The following ELFN2 variants were observed in gnomAD, a reference collection of about 807,000 sequenced individuals.
The protein encoded by ELFN2 is protein phosphatase 1 regulatory subunit 29.
A neutral mutation model predicts 45.5 loss-of-function variants in ELFN2; 17 were observed. That is an observed-to-expected ratio of 0.37 (90% confidence interval 0.26 to 0.56). ELFN2 has a LOEUF of 0.56. Ranked by LOEUF, ELFN2 falls within the 20% of genes least tolerant of loss-of-function variation. The pLI, the probability that ELFN2 is intolerant of heterozygous loss-of-function variation, is 0.77. For missense variants in ELFN2, 922 were observed against 1,183.2 expected (o/e 0.78, Z 3.24); for synonymous variants, 550 against 551.5 (o/e 1.00, Z 0.04).
Position 37,417,354 on chromosome 22 carries a change from C to T in ELFN2, c.-463+415G>A, listed in dbSNP as rs374046131. On this transcript the variant is annotated intron_variant, in intron 2 of 2. Transcript: ENST00000402918. This position sits in a 1 kb window ranked among gnomAD's most constrained non-coding sequence, Gnocchi z 4.5. ...TACAATGGACAGACCCCCACCTGAGCGAGACCCCCACCATGTTGTCCCAGG... is the reference window on the plus strand; with the variant it reads ...TACAATGGACAGACCCCCACCTGAGTGAGACCCCCACCATGTTGTCCCAGG... Among the ~76,000 whole-genome samples, 43 of 152,328 alleles carry T rather than the reference C, an allele frequency of 2.8e-4. No homozygotes were observed. The South Asian group carries it at 8.5e-3, about 30-fold the overall frequency.
chr22:37,393,589 G>A lies in ELFN2; in HGVS notation c.-462-17593C>T, dbSNP rs550144522. Among the ~76,000 whole-genome samples, 105 of 152,338 alleles carry A rather than the reference G, an allele frequency of 6.9e-4. 2 individuals carry two copies. In the South Asian group the frequency reaches 0.017, roughly 25 times the overall value. On this transcript the variant is annotated intron_variant, in intron 2 of 2. Coordinates refer to ENST00000402918, the MANE Select transcript of ELFN2 (RefSeq NM_052906.5). ...CTTCCTGAGCCTGGACCACGCCCCA[G>A]GCCTTGCGCTAAGTCCCATATGGTC...
Position 37,374,447 on chromosome 22 carries a change from G to A in ELFN2, c.1088C>T (p.Ser363Leu), listed in dbSNP as rs1931498000. 6.2e-7 allele frequency: 1 copy of A among 1,613,990 alleles called. No homozygotes were observed. Among genetic ancestry groups the A allele is most frequent in the Non-Finnish European group, 8.5e-7 (1 of 1,179,984 alleles). Residue 363 changes from serine to leucine, a missense_variant, in exon 3 of 3, where the codon TCG becomes TTG. This residue lies in a region of ELFN2 where 358 missense variants were observed against 540.4 expected (regional missense o/e 0.66). Transcript: ENST00000402918. ...GTTGAAGCGGCGGCTGTTGCGCAGC[G>A]AGGTCACGCAGAAGGTGTACTCAGT... ...AHTEYTFCVT[S>L]LRNSRRFNHT...
chr22:37,425,429 G>A (rs776279909), intron 1 of ELFN2, among the ~76,000 whole-genome samples: 1 of 152,136 alleles, frequency 6.6e-6, no homozygotes, highest in Non-Finnish European at 1.5e-5. Flanking sequence ...CACGCCACGC[G>A]TCCTAAGGCT....
chr22:37,348,341 C>A (rs1305777599), intron 1 of ELFN2, among the ~76,000 whole-genome samples: 1 of 152,124 alleles, frequency 6.6e-6, no homozygotes, highest in Non-Finnish European at 1.5e-5. Flanking sequence ...GAAGTCTTAG[C>A]AAGGGGCTTC....
intron 2 of ELFN2, among the ~76,000 whole-genome samples, chr22:37,410,478 C>G (rs946407947): frequency 6.6e-5 from 10 of 152,096 alleles, no homozygotes; most frequent in African/African-American, 2.4e-4. Flanking sequence ...ACTCCGGGGT[C>G]CTGGTTCCCT....
intron 2 of ELFN2, among the ~76,000 whole-genome samples, chr22:37,413,322 T>C (rs1435030274): frequency 6.6e-6 from 1 of 151,482 alleles, no homozygotes; most frequent in African/African-American, 2.4e-5. Flanking sequence ...CAGCTGGCAG[T>C]GAAGTCTCCT....
intron 2 of ELFN2, among the ~76,000 whole-genome samples, chr22:37,383,024 C>G (rs1601751841): frequency 6.6e-6 from 1 of 152,212 alleles, no homozygotes; most frequent in East Asian, 1.9e-4. Flanking sequence ...TATCACTCTG[C>G]TTATCCAAGC....
At chr22:37,418,240 T>C (rs1447863582) in intron 1 of ELFN2, among the ~76,000 whole-genome samples, 2 of 150,072 alleles carry the variant, frequency 1.3e-5, no homozygotes, top group African/African-American at 4.9e-5. Context: ...GGCACTGAGA[T>C]GGAGAGATGG....
chr22:37,373,789 A>T lies in ELFN2; in HGVS notation c.1746T>A (p.Pro582=). The change falls in exon 3 of 3, where the codon CCT becomes CCA. Residue 582 remains proline, a synonymous_variant. Transcript: ENST00000402918. ...TGGCTGAGGAGGCGGCAGCAGCTGC[A>T]GGGAGGGACTGGCACTCGAAGGCCA... ...PELAFECQSL[P]AAAAASSATG... is the part of the protein sequence containing the mutation. The T allele has an allele frequency of 6.2e-7, 1 of 1,606,866 alleles. No homozygotes were observed. The highest frequency in any genetic ancestry group is 8.5e-7 in the Non-Finnish European group (1 of 1,177,804).
chr22:37,416,065 C>A (rs1932756907), intron 2 of ELFN2, among the ~76,000 whole-genome samples: 2 of 152,206 alleles, frequency 1.3e-5, no homozygotes, highest in South Asian at 2.1e-4. Context: ...ATAACAGCCA[C>A]CCTGGGAGGC....
At chr22:37,341,237 A>G (rs916960281) in intron 2 of ELFN2, among the ~76,000 whole-genome samples, 1 of 152,116 alleles carries the variant, frequency 6.6e-6, no homozygotes, top group Non-Finnish European at 1.5e-5. Context: ...TGAGGCTCGC[A>G]TGGCAGGGGC....
Position 37,374,219 on chromosome 22 carries a change from A to G in ELFN2, c.1316T>C (p.Leu439Pro), listed in dbSNP as rs1349944754. 6.2e-6 allele frequency: 10 copies of G among 1,613,666 alleles called. No homozygotes were observed. The highest frequency in any genetic ancestry group is 1.3e-5 in the African/African-American group (1 of 74,868). ...QKSVNVKKTILEMRYGADVDA... is the reference protein window; with the variant it reads ...QKSVNVKKTIPEMRYGADVDA... ...CACATCAGCCCCGTAGCGCATCTCC[A>G]GGATGGTCTTCTTGACGTTGACAGA... The change falls in exon 3 of 3, where the codon CTG becomes CCG. Residue 439 changes from leucine (L) to proline (P), a missense_variant. Around this residue, in one of 2 missense-constraint regions of ELFN2, gnomAD observed 564 missense variants for 642.8 expected, o/e 0.88. Coordinates refer to ENST00000402918, the MANE Select transcript of ELFN2 (RefSeq NM_052906.5).
chr22:37,389,512 C>T (rs540591723), intron 2 of ELFN2, among the ~76,000 whole-genome samples: 26 of 152,254 alleles, frequency 1.7e-4, no homozygotes, highest in African/African-American at 5.1e-4. Flanking sequence ...TTGGAGATCT[C>T]CCTTCTGCAG....
chr22:37,386,708 G>A (rs1040584483), intron 2 of ELFN2, among the ~76,000 whole-genome samples: 2 of 152,184 alleles, frequency 1.3e-5, no homozygotes, highest in African/African-American at 2.4e-5. Context: ...TCCCCGGGGA[G>A]GGCCGCCGGC....
In ELFN2 at chr22:37,375,133, G is replaced by A; in HGVS notation, c.402C>T (p.Val134=). ...TCACCACCTCGATGAGGTTGTGCTG[G>A]ACAAAGAGGAACTGCAGGCGGCTCA... is the stretch of plus-strand genomic sequence containing the variant. ...RGMSRLQFLF[V]QHNLIEVVTP... is the part of the protein sequence containing the mutation. The change falls in exon 3 of 3, where the codon GTC becomes GTT. Residue 134 remains valine, a synonymous_variant. Coordinates refer to ENST00000402918, the MANE Select transcript of ELFN2 (RefSeq NM_052906.5). 1 of 1,613,898 alleles carries A rather than the reference G, an allele frequency of 6.2e-7. No homozygotes were observed. The highest frequency in any genetic ancestry group is 8.5e-7 in the Non-Finnish European group (1 of 1,180,030).
In ELFN2 at chr22:37,373,839, C is replaced by T. The variant is rs544695745; in HGVS notation, c.1696G>A (p.Gly566Ser). ...AGCTCGGGGTCCCCACTGCTGCTGC[C>T]GCCTCCCAGAAAAGAGGCCGAGTCC... is the stretch of plus-strand genomic sequence containing the variant. Reference protein sequence around the residue: ...KLDSASFLGGGSSSGDPELAF... With the variant: ...KLDSASFLGGSSSSGDPELAF... The change falls in exon 3 of 3, where the codon GGC (glycine) becomes AGC (serine). Residue 566 changes from glycine (G) to serine (S), a missense_variant. Gly to Ser is a moderately conservative substitution (Grantham distance 56). Coordinates refer to ENST00000402918, the MANE Select transcript of ELFN2 (RefSeq NM_052906.5). 5.0e-5 allele frequency: 80 copies of T among 1,612,992 alleles called. No homozygotes were observed. The South Asian group carries it at 6.9e-4, about 14-fold the overall frequency.
chr22:37,344,677 T>C (rs886604650), intron 1 of ELFN2, among the ~76,000 whole-genome samples: 2 of 152,152 alleles, frequency 1.3e-5, no homozygotes, highest in Non-Finnish European at 2.9e-5. Context: ...AGAGACTCCA[T>C]GCACGTGGCC....
At chr22:37,346,745 C>A (rs749519108) in intron 1 of ELFN2, among the ~76,000 whole-genome samples, 29 of 152,108 alleles carry the variant, frequency 1.9e-4, no homozygotes, top group Non-Finnish European at 3.4e-4. Flanking sequence ...CACATGTGCA[C>A]ACCACATGCA....
At chr22:37,421,438 C>T (rs1412216117) in intron 1 of ELFN2, among the ~76,000 whole-genome samples, 1 of 152,218 alleles carries the variant, frequency 6.6e-6, no homozygotes, top group Non-Finnish European at 1.5e-5. Context: ...TCGCTCCACA[C>T]CTGGCCTCCA....
Sources: gnomAD v4.1 joint callset for allele counts (sites outside exome capture counted in the v4.1 genomes callset) on GRCh38, gnomAD v4.1.1 for gene constraint, gnomAD v4.1.1 regional missense constraint, Gnocchi (gnomAD v3.1) non-coding constraint, MANE v1.5 for transcripts, NCBI Gene and HGNC (gene_info 2026-07-23, HGNC 2026-07-21) for gene names.